Variants in THADA observed in about 807,000 individuals in gnomAD.
The protein encoded by THADA is THADA armadillo repeat containing.
A neutral mutation model predicts 219.8 loss-of-function variants in THADA; 213 were observed. The ratio of observed to expected loss-of-function variants is 0.97; its 90% confidence interval spans 0.87 to 1.09. The LOEUF is 1.09. Among genes scored for constraint, THADA ranks in the 50% least tolerant of loss-of-function variants. The pLI is 0.00. For synonymous variants in THADA, 1,018 were observed against 828.9 expected (o/e 1.23, Z -3.92); for missense variants, 2,956 against 2,311.3 (o/e 1.28, Z -5.72).
At chr2:43,437,667 C>A (rs1162106961) in intron 26 of THADA, among the ~76,000 whole-genome samples, 1 of 152,138 alleles carries the variant, frequency 6.6e-6, no homozygotes, top group East Asian at 1.9e-4. Flanking sequence ...TGAGTTACTG[C>A]CACTGTGCCA....
At chr2:43,502,210 A>G (rs1689081093) in intron 24 of THADA, among the ~76,000 whole-genome samples, 1 of 152,236 alleles carries the variant, frequency 6.6e-6, no homozygotes, top group Admixed American at 6.5e-5. Context: ...GCAAGATCCT[A>G]TCAGTAAAAA....
intron 29 of THADA, among the ~76,000 whole-genome samples, chr2:43,386,854 T>C (rs1355524168): frequency 1.4e-5 from 2 of 146,942 alleles, no homozygotes; most frequent in Non-Finnish European, 3.0e-5. Context: ...GCCGAGAGCA[T>C]GCCACTGCAC....
At position 43,577,076 on chromosome 2, in the gene THADA, C is replaced by T. The variant is rs201664851; in HGVS notation, c.983G>A (p.Ser328Asn). ...AGTATCCAAGAGCAGGGCCTCCCCA[C>T]TCCGACCCATGCTTCCGTTCTGCCA... ...LDWQNGSMGR[S>N]GEALLLDTAH... The change falls in exon 10 of 38, where the codon AGT becomes AAT. Residue 328 changes from serine (S) to asparagine (N), a missense_variant. Coordinates refer to ENST00000405975, the MANE Select transcript of THADA (RefSeq NM_022065.5). The T allele has an allele frequency of 7.7e-5, 124 of 1,613,622 alleles. No individual in the cohort carries two copies. In the African/African-American group the frequency reaches 1.5e-3, roughly 20 times the overall value.
At chr2:43,231,965 C>A (rs1667476051) in intron 37 of THADA, among the ~76,000 whole-genome samples, 1 of 152,114 alleles carries the variant, frequency 6.6e-6, no homozygotes, top group African/African-American at 2.4e-5. Flanking sequence ...TTGTCTTTGT[C>A]CTCAGTTTCC....
intron 20 of THADA, among the ~76,000 whole-genome samples, chr2:43,544,554 G>T (rs1442396786): frequency 2.0e-5 from 3 of 151,978 alleles, no homozygotes; most frequent in African/African-American, 7.3e-5. Context: ...ATTTCATTGA[G>T]CAGTGGTTTG....
At chr2:43,301,721 G>A (rs1170722388) in intron 31 of THADA, among the ~76,000 whole-genome samples, 1 of 152,150 alleles carries the variant, frequency 6.6e-6, no homozygotes, top group African/African-American at 2.4e-5. Context: ...GGGGACACTT[G>A]ACCACATCTC....
intron 30 of THADA, among the ~76,000 whole-genome samples, chr2:43,327,100 G>A (rs1679421839): frequency 6.6e-6 from 1 of 152,064 alleles, no homozygotes; most frequent in South Asian, 2.1e-4. Context: ...TAAAAACAGA[G>A]GATTGATTTG....
At chr2:43,495,912 T>G (rs1033935287) in intron 25 of THADA, among the ~76,000 whole-genome samples, 7 of 152,170 alleles carry the variant, frequency 4.6e-5, no homozygotes, top group Non-Finnish European at 1.0e-4. Context: ...TCAAGAGTAG[T>G]TATGCAATGC....
intron 28 of THADA, among the ~76,000 whole-genome samples, chr2:43,404,375 CTT>C (rs905817751): frequency 4.3e-4 from 56 of 130,772 alleles, no homozygotes; most frequent in Non-Finnish European, 4.7e-4. Flanking sequence ...TTTTTCTTTT[CTT>C]TTTTTTTTTT....
At chr2:43,587,347 G>C (rs765895628) in intron 4 of THADA, among the ~76,000 whole-genome samples, 1 of 152,138 alleles carries the variant, frequency 6.6e-6, no homozygotes, top group Admixed American at 6.5e-5. Flanking sequence ...AGGTCCTCCC[G>C]ATACAATCTG....
At chr2:43,522,549 T>TA in intron 22 of THADA, among the ~76,000 whole-genome samples, 1 of 152,288 alleles carries the variant, frequency 6.6e-6, no homozygotes, top group Admixed American at 6.5e-5. Flanking sequence ...AAATTAATAT[T>TA]AAAAAAATTC....
At chr2:43,453,733 TAC>T (rs1468054179) in intron 26 of THADA, among the ~76,000 whole-genome samples, 3 of 152,228 alleles carry the variant, frequency 2.0e-5, no homozygotes, top group Admixed American at 6.5e-5. Context: ...ACATTGAAAT[TAC>T]ACAGAGTCAG....
chr2:43,555,799 C>T (rs924511272), intron 17 of THADA, among the ~76,000 whole-genome samples: 1 of 152,126 alleles, frequency 6.6e-6, no homozygotes, highest in Non-Finnish European at 1.5e-5. Flanking sequence ...AAATCCTTAT[C>T]TGTCCTTATT....
rs540350094 is a variant in THADA, at chr2:43,371,749, T to C, written c.4227+26222A>G. Among the ~76,000 whole-genome samples, 170 of 152,318 alleles carry C rather than the reference T, an allele frequency of 1.1e-3. 1 individual carries two copies. Among genetic ancestry groups the C allele is most frequent in the African/African-American group, 4.0e-3 (166 of 41,574 alleles). ...TCAACTAAAACTATTTTGCTGTCCATGGACTGAATTACTTTGGTCTGTTTG... is the reference window on the plus strand; with the variant it reads ...TCAACTAAAACTATTTTGCTGTCCACGGACTGAATTACTTTGGTCTGTTTG... On this transcript the variant is annotated intron_variant, in intron 29 of 37. Coordinates refer to ENST00000405975, the MANE Select transcript of THADA (RefSeq NM_022065.5).
chr2:43,402,105 C>T (rs1404842575), intron 28 of THADA, among the ~76,000 whole-genome samples: 1 of 152,072 alleles, frequency 6.6e-6, no homozygotes, highest in Admixed American at 6.6e-5. Context: ...GGGGAGTTTC[C>T]CAGACCCAGG....
At chr2:43,548,194 G>A (rs570843556) in intron 20 of THADA, among the ~76,000 whole-genome samples, 14 of 151,672 alleles carry the variant, frequency 9.2e-5, no homozygotes, top group African/African-American at 2.7e-4. Flanking sequence ...TTTGTGAACC[G>A]CGAATGCTGC....
chr2:43,512,554 G>A (rs1448102350), intron 22 of THADA, among the ~76,000 whole-genome samples: 1 of 152,242 alleles, frequency 6.6e-6, no homozygotes, highest in South Asian at 2.1e-4. Flanking sequence ...CCAGGTTGGA[G>A]TGCAATGGCG....
chr2:43,567,853 G>A (rs528741008), intron 14 of THADA, among the ~76,000 whole-genome samples: 33 of 152,194 alleles, frequency 2.2e-4, no homozygotes, highest in Middle Eastern at 3.4e-3. Context: ...TTCCAAATCC[G>A]TTGGCCTATC....
intron 16 of THADA, among the ~76,000 whole-genome samples, chr2:43,558,580 C>T (rs939676196): frequency 2.0e-5 from 3 of 152,144 alleles, no homozygotes; most frequent in African/African-American, 7.2e-5. Context: ...AAAGATTAGA[C>T]TGGTTTAGTC....
Sources: allele counts gnomAD v4.1 joint callset (sites outside exome capture counted in the v4.1 genomes callset), GRCh38; gene constraint gnomAD v4.1.1; transcripts MANE v1.5; gene names NCBI Gene and HGNC (gene_info 2026-07-23, HGNC 2026-07-21).